Variants in SMYD1 observed in about 807,000 individuals in gnomAD.
SMYD1 encodes histone-lysine N-methyltransferase SMYD1.
A neutral mutation model predicts 54.0 loss-of-function variants in SMYD1; 49 were observed. The observed-to-expected ratio is 0.91, with a 90% CI of 0.72 to 1.15. SMYD1 has a LOEUF of 1.15. Ranked by LOEUF, SMYD1 falls within the 50% of genes most tolerant of loss-of-function variation. The pLI, the probability that SMYD1 is intolerant of heterozygous loss-of-function variation, is 0.00. For synonymous variants in SMYD1, 269 were observed against 234.2 expected (o/e 1.15, Z -1.36); for missense variants, 653 against 639.6 (o/e 1.02, Z -0.23).
intron 5 of SMYD1, among the ~76,000 whole-genome samples, chr2:88,095,555 C>A (rs960909398): frequency 3.3e-5 from 5 of 152,158 alleles, no homozygotes; most frequent in African/African-American, 1.2e-4. Context: ...CCAACTGAGC[C>A]TTTCTGGAAG....
At chr2:88,089,865 T>C (rs1465222762) in intron 3 of SMYD1, among the ~76,000 whole-genome samples, 3 of 152,244 alleles carry the variant, frequency 2.0e-5, no homozygotes, top group East Asian at 1.9e-4. Flanking sequence ...GTGCTGGGAT[T>C]ACAGGCGTAA....
chr2:88,070,942 C>CAAA (rs61024525), intron 1 of SMYD1, among the ~76,000 whole-genome samples: 10,975 of 60,082 alleles, frequency 0.18, 1,569 homozygotes, highest in Non-Finnish European at 0.27. Flanking sequence ...GACTATTTCT[C>CAAA]AAAAAAAAAA....
At chr2:88,092,426 CT>C (rs1674483534) in intron 4 of SMYD1, among the ~76,000 whole-genome samples, 1 of 152,098 alleles carries the variant, frequency 6.6e-6, no homozygotes, top group Non-Finnish European at 1.5e-5. Context: ...TAGAGATGAG[CT>C]TTTATGACAG....
Position 88,088,045 on chromosome 2 carries a change from C to G in SMYD1, c.498C>G (p.Ser166Arg). 6.2e-7 allele frequency: 1 copy of G among 1,614,096 alleles called. No homozygotes were observed. The highest frequency in any genetic ancestry group is 8.5e-7 in the Non-Finnish European group (1 of 1,179,982). ...QYWPPQSQQFSMQYISHIFGV... is the reference protein window; with the variant it reads ...QYWPPQSQQFRMQYISHIFGV... ...GGCCGCCGCAGAGCCAGCAGTTCAG[C>G]ATGCAGTACATCTCGCACATCTTCG... The change falls in exon 3 of 10, where the codon AGC becomes AGG. Residue 166 changes from serine to arginine, a missense_variant. By Grantham distance (110) the Ser-to-Arg change is moderately radical. Transcript: ENST00000419482.
intron 4 of SMYD1, among the ~76,000 whole-genome samples, chr2:88,091,714 A>G (rs11895573): frequency 0.22 from 32,735 of 151,970 alleles, 3,738 homozygotes; most frequent in African/African-American, 0.29. Context: ...AAATAAATAC[A>G]TTAGCCGGGC....
rs1675032053 is a variant in SMYD1 at position 88,111,889 on chromosome 2, C to A, written c.*1377C>A. 1 of 604,804 alleles carries A rather than the reference C, an allele frequency of 1.7e-6. No homozygotes were observed. The highest frequency in any genetic ancestry group is 3.0e-6 in the Non-Finnish European group (1 of 335,166). 37.5% of individuals were successfully genotyped at this position (604,804 alleles called of 1,614,324 possible). On this transcript the variant is annotated 3_prime_UTR_variant, in exon 10 of 10. Coordinates refer to ENST00000419482, the MANE Select transcript of SMYD1 (RefSeq NM_198274.4). ...CCCAGGACTACCATTGACCTCAGAG[C>A]TGTACCCCACATCTTGAAGTAAATT... is the stretch of plus-strand genomic sequence containing the variant.
chr2:88,087,020 T>C (rs1187755592), intron 2 of SMYD1, among the ~76,000 whole-genome samples: 1 of 112,078 alleles, frequency 8.9e-6, no homozygotes, highest in African/African-American at 3.6e-5. Context: ...AAATGCTTGC[T>C]TGTGGAGTTT....
At position 88,088,543 on chromosome 2, in the gene SMYD1, G is replaced by C. The variant is rs943912929; in HGVS notation, c.528+468G>C. ...TCTGTCTTCTGGCCTTGTTTACTGT[G>C]AGGCCATTCCTGCTGTATCTGAATT... On this transcript the variant is annotated intron_variant, in intron 3 of 9. Transcript: ENST00000419482. 4.1e-4 allele frequency among the ~76,000 whole-genome samples: 63 copies of C among 152,142 alleles called. 1 individual carries two copies. Among genetic ancestry groups the C allele is most frequent in the Admixed American group, 3.8e-3 (58 of 15,278 alleles).
intron 6 of SMYD1, among the ~76,000 whole-genome samples, chr2:88,098,693 T>A (rs971393535): frequency 5.9e-5 from 9 of 152,208 alleles, no homozygotes; most frequent in African/African-American, 1.7e-4. Flanking sequence ...TGGCTATGAC[T>A]CTAAACATCT....
chr2:88,093,597 C>T (rs1355853301), intron 5 of SMYD1, 42 bp downstream of exon 5: 8 of 1,612,440 alleles, frequency 5.0e-6, no homozygotes, highest in Non-Finnish European at 6.8e-6. Context: ...TCTGACCCAT[C>T]TCCCTCACTT....
At chr2:88,088,132 C>T in intron 3 of SMYD1, 57 bp downstream of exon 3, 1 of 1,517,734 alleles carries the variant, frequency 6.6e-7, no homozygotes, top group Admixed American at 2.0e-5. Context: ...TTCCTTCCCT[C>T]CTCCCACTTG....
chr2:88,092,717 A>G lies in SMYD1; in HGVS notation c.660-800A>G, dbSNP rs1396332902. On this transcript the variant is annotated intron_variant, in intron 4 of 9. Transcript: ENST00000419482. ...TTTTGGGGTCACTGGCCTGGATCTC[A>G]TGGAATCCTCCCTAGAGGGGCTGTT... Among the ~76,000 whole-genome samples, 4 of 152,220 alleles carry G rather than the reference A, an allele frequency of 2.6e-5. No individual in the cohort carries two copies. In the East Asian group the frequency reaches 7.7e-4, roughly 29 times the overall value.
At chr2:88,091,500 A>C (rs1674461121) in intron 4 of SMYD1, among the ~76,000 whole-genome samples, 1 of 152,192 alleles carries the variant, frequency 6.6e-6, no homozygotes. Context: ...GGTTTTACCC[A>C]AATAGAATTG....
At chr2:88,096,271 G>A (rs920185787) in intron 5 of SMYD1, among the ~76,000 whole-genome samples, 7 of 152,180 alleles carry the variant, frequency 4.6e-5, no homozygotes, top group African/African-American at 1.4e-4. Context: ...ACAATCAGTA[G>A]CTAAAAAGTA....
chr2:88,084,559 A>C, intron 2 of SMYD1, 67 bp downstream of exon 2: 2 of 1,464,330 alleles, frequency 1.4e-6, no homozygotes, highest in Non-Finnish European at 1.9e-6. Context: ...TGGCAGTAAC[A>C]ACATTCCCAG....
At chr2:88,091,658 A>G (rs558169247) in intron 4 of SMYD1, among the ~76,000 whole-genome samples, 2 of 152,276 alleles carry the variant, frequency 1.3e-5, no homozygotes, top group African/African-American at 4.8e-5. Flanking sequence ...ATCAGCGTGG[A>G]CAACACAGTG....
intron 3 of SMYD1, among the ~76,000 whole-genome samples, chr2:88,088,277 G>A (rs939259474): frequency 6.6e-6 from 1 of 152,158 alleles, no homozygotes; most frequent in Admixed American, 6.5e-5. Flanking sequence ...TCTATTTACC[G>A]CATGTAGCAG....
intron 7 of SMYD1, 150 bp from the exon 8 acceptor site, chr2:88,106,173 TCA>T: frequency 9.9e-7 from 1 of 1,014,530 alleles, no homozygotes; most frequent in Non-Finnish European, 1.4e-6. Flanking sequence ...ACTTTGCAAT[TCA>T]TACCCCAAAC....
intron 4 of SMYD1, among the ~76,000 whole-genome samples, chr2:88,092,533 G>A (rs1674485979): frequency 6.6e-6 from 1 of 152,138 alleles, no homozygotes; most frequent in Non-Finnish European, 1.5e-5. Flanking sequence ...CTGAGAATCG[G>A]GCCTAAGCTT....
Sources: gnomAD v4.1 joint callset for allele counts (sites outside exome capture counted in the v4.1 genomes callset) on GRCh38, gnomAD v4.1.1 for gene constraint, MANE v1.5 for transcripts, NCBI Gene and HGNC (gene_info 2026-07-23, HGNC 2026-07-21) for gene names.